ATE1: variants seen among roughly 807,000 people sequenced by gnomAD.
ATE1 encodes the protein arginyltransferase 1, also known as arginyl-tRNA--protein transferase 1.
Under a neutral mutation model 70.5 loss-of-function variants are expected in ATE1, and 36 were observed. The observed-to-expected ratio is 0.51, with a 90% confidence interval of 0.39 to 0.67. The LOEUF is 0.67. ATE1 is among the 30% of genes least tolerant of loss of function. The pLI is 0.00. For missense variants in ATE1, 593 were observed against 629.5 expected (o/e 0.94, Z 0.62); for synonymous variants, 232 against 219.3 (o/e 1.06, Z -0.51).
intron 11 of ATE1, among the ~76,000 whole-genome samples, chr10:121,746,328 T>A (rs1030152692): frequency 6.6e-6 from 1 of 152,228 alleles, no homozygotes; most frequent in African/African-American, 2.4e-5. Flanking sequence ...TAGCACACAG[T>A]AGAGGCTCCA....
chr10:121,756,344 T>G (rs1851896111), intron 11 of ATE1, among the ~76,000 whole-genome samples: 1 of 152,204 alleles, frequency 6.6e-6, no homozygotes, highest in African/African-American at 2.4e-5. Context: ...GTTGAGTGTC[T>G]GCAGCTTTTC....
intron 4 of ATE1, 139 bp downstream of exon 4, chr10:121,913,651 A>G (rs7092663): frequency 1.2e-4 from 57 of 488,962 alleles, no homozygotes; most frequent in African/African-American, 1.1e-3. Context: ...CAGTAATAGC[A>G]GTGCTAACAG....
chr10:121,817,743 G>C lies in ATE1; in HGVS notation c.1257+18975C>G, dbSNP rs573615926. On this transcript the variant is annotated intron_variant, in intron 10 of 11. Coordinates refer to ENST00000224652, the MANE Select transcript of ATE1 (RefSeq NM_001001976.3). ...GTAAGATGAAAAGGAGTAAAGGAAA[G>C]ATAAGAAGAGTCAAGCCATCAGTTA... Among the ~76,000 whole-genome samples the C allele has an allele frequency of 7.3e-4, 111 of 152,184 alleles. 1 individual carries two copies. Among genetic ancestry groups the C allele is most frequent in the African/African-American group, 2.6e-3 (109 of 41,524 alleles).
At position 121,761,145 on chromosome 10, in the gene ATE1, G is replaced by C. The variant is rs112491923; in HGVS notation, c.1379-17287C>G. Among the ~76,000 whole-genome samples, 22 of 152,286 alleles carry C rather than the reference G, an allele frequency of 1.4e-4. 1 individual carries two copies. Among genetic ancestry groups the C allele is most frequent in the African/African-American group, 5.3e-4 (22 of 41,558 alleles). ...CCTGCACATGCCATGGCTCTGCTCT[G>C]ATTTCCACCATGGGTGGGAGCAGCT... On this transcript the variant is annotated intron_variant, in intron 11 of 11. Coordinates refer to ENST00000224652, the MANE Select transcript of ATE1 (RefSeq NM_001001976.3).
intron 8 of ATE1, among the ~76,000 whole-genome samples, chr10:121,866,719 C>T (rs1488445362): frequency 6.6e-6 from 1 of 151,738 alleles, no homozygotes; most frequent in South Asian, 2.1e-4. Flanking sequence ...TGGTGGCAGG[C>T]ACCTGTAATC....
chr10:121,879,528 T>C (rs1950164756), intron 7 of ATE1, among the ~76,000 whole-genome samples: 1 of 152,240 alleles, frequency 6.6e-6, no homozygotes, highest in African/African-American at 2.4e-5. Flanking sequence ...GCCTGGCACA[T>C]AGTAGGGACT....
At chr10:121,785,781 A>C (rs747497392) in intron 11 of ATE1, among the ~76,000 whole-genome samples, 46 of 152,314 alleles carry the variant, frequency 3.0e-4, no homozygotes, top group Admixed American at 5.2e-4. Flanking sequence ...GCACTAAATC[A>C]CGTTGAGGGA....
At position 121,924,440 on chromosome 10, in the gene ATE1, C is replaced by A; in HGVS notation, c.107-111G>T. ...GTGTGTCCGGGCACGGTGGCTCATGCCTGTAATCCCAGCACTCTGGGAGGC... is the reference window on the plus strand; with the variant it reads ...GTGTGTCCGGGCACGGTGGCTCATGACTGTAATCCCAGCACTCTGGGAGGC... On this transcript the variant is annotated intron_variant, in intron 1 of 11. Transcript: ENST00000224652. 7 of 1,004,532 alleles carry A rather than the reference C, an allele frequency of 7.0e-6. No homozygotes were observed. In the South Asian group the frequency reaches 8.1e-5, roughly 12 times the overall value. 62.2% of individuals were successfully genotyped at this position (1,004,532 alleles called of 1,614,324 possible). A position where few individuals can be genotyped will look rare whatever the true frequency, so the allele number is the denominator to read the frequency against.
chr10:121,857,997 T>C (rs144792320), intron 8 of ATE1, among the ~76,000 whole-genome samples: 15 of 152,352 alleles, frequency 9.8e-5, no homozygotes, highest in Non-Finnish European at 2.1e-4. Context: ...TAAAGGTTCA[T>C]TCACCATGTG....
chr10:121,859,949 T>C (rs530099557), intron 8 of ATE1, among the ~76,000 whole-genome samples: 2 of 152,184 alleles, frequency 1.3e-5, no homozygotes, highest in African/African-American at 4.8e-5. Flanking sequence ...TCACAAAATA[T>C]AAAATAATTT....
intron 11 of ATE1, among the ~76,000 whole-genome samples, chr10:121,752,019 C>T (rs1364574991): frequency 2.0e-5 from 3 of 151,444 alleles, no homozygotes; most frequent in Admixed American, 2.0e-4. Flanking sequence ...GGGTGAAACC[C>T]CGTCTCTACT....
intron 10 of ATE1, among the ~76,000 whole-genome samples, chr10:121,805,904 GTC>G (rs910589025): frequency 6.6e-6 from 1 of 152,156 alleles, no homozygotes; most frequent in African/African-American, 2.4e-5. Context: ...ACAGTGGAGA[GTC>G]TGGTAGATGT....
intron 8 of ATE1, among the ~76,000 whole-genome samples, chr10:121,868,376 T>A (rs894187173): frequency 6.6e-6 from 1 of 152,238 alleles, no homozygotes; most frequent in Admixed American, 6.5e-5. Flanking sequence ...TTTGTTTTCA[T>A]GTACAAAATT....
chr10:121,804,739 T>G (rs76131926), intron 10 of ATE1, among the ~76,000 whole-genome samples: 2 of 150,344 alleles, frequency 1.3e-5, no homozygotes, highest in East Asian at 4.0e-4. Flanking sequence ...TTTTTTTTTT[T>G]GCACTATAAG....
At chr10:121,808,170 A>G (rs1947176779) in intron 10 of ATE1, among the ~76,000 whole-genome samples, 1 of 152,230 alleles carries the variant, frequency 6.6e-6, no homozygotes, top group Admixed American at 6.5e-5. Context: ...ATTACTGTGA[A>G]TTTGTAGATG....
intron 11 of ATE1, among the ~76,000 whole-genome samples, chr10:121,787,394 T>C (rs1946258240): frequency 6.6e-6 from 1 of 152,240 alleles, no homozygotes; most frequent in South Asian, 2.1e-4. Flanking sequence ...CAAATGACCA[T>C]GTTTCACAGC....
intron 11 of ATE1, among the ~76,000 whole-genome samples, chr10:121,781,919 TC>T (rs1323347882): frequency 6.6e-6 from 1 of 152,190 alleles, no homozygotes; most frequent in Admixed American, 6.5e-5. Context: ...AAGAATCTTA[TC>T]CCAGGTTCCA....
chr10:121,904,702 CAA>C (rs11362227), intron 5 of ATE1, among the ~76,000 whole-genome samples: 26 of 133,554 alleles, frequency 1.9e-4, no homozygotes, highest in East Asian at 4.4e-4. Context: ...TCAAAGTCAG[CAA>C]AAAAAAAAAA....
chr10:121,778,598 A>AAC, intron 11 of ATE1, among the ~76,000 whole-genome samples: 1 of 84,694 alleles, frequency 1.2e-5, no homozygotes, highest in African/African-American at 4.6e-5. Context: ...TTTTTTTGAG[A>AAC]CATTGTCCTG....
Sources: allele counts gnomAD v4.1 joint callset (sites outside exome capture counted in the v4.1 genomes callset), GRCh38; gene constraint gnomAD v4.1.1; transcripts MANE v1.5; gene names NCBI Gene and HGNC (gene_info 2026-07-23, HGNC 2026-07-21).